Variants in KLC1 observed in about 807,000 individuals in gnomAD.
The protein encoded by KLC1 is kinesin light chain 1.
A neutral mutation model predicts 84.2 loss-of-function variants in KLC1; 30 were observed. The observed-to-expected ratio is 0.36, with a 90% CI of 0.27 to 0.48. The LOEUF (loss-of-function observed/expected upper bound fraction) is 0.48. Among genes scored for constraint, KLC1 ranks in the 20% least tolerant of loss-of-function variants. KLC1 has a pLI of 0.99. For synonymous variants in KLC1, 289 were observed against 293.3 expected (o/e 0.99, Z 0.15); for missense variants, 499 against 805.4 (o/e 0.62, Z 4.60).
chr14:103,694,197 C>G lies in KLC1; in HGVS notation c.1848+1772C>G. ...CTGGGGCCCCATGCCCCCTTTTGAG[C>G]TGTGTTCTCCCGGACGCCCCTGCAC... On this transcript the variant is annotated intron_variant, in intron 15 of 16. Coordinates refer to ENST00000334553, the MANE Select transcript of KLC1 (RefSeq NM_001394837.1). This position sits in a 1 kb window ranked among gnomAD's most constrained non-coding sequence, Gnocchi z 4.5. 1.0e-6 allele frequency: 1 copy of G among 985,404 alleles called. No individual in the cohort carries two copies. 61.0% of individuals were successfully genotyped at this position (985,404 alleles called of 1,614,324 possible).
intron 5 of KLC1, among the ~76,000 whole-genome samples, chr14:103,665,583 TGCCACCAA>T (rs1441244968): frequency 6.6e-6 from 1 of 151,934 alleles, no homozygotes; most frequent in Non-Finnish European, 1.5e-5. Context: ...TACAGACACC[TGCCACCAA>T]GCCCCGCTAA....
chr14:103,679,705 G>T (rs1472722767), intron 13 of KLC1, 160 bp downstream of exon 13: 3 of 578,588 alleles, frequency 5.2e-6, no homozygotes, highest in East Asian at 2.9e-5. Context: ...ACTGAAGTCT[G>T]TTATTTGTTT....
chr14:103,693,775 C>G lies in KLC1; in HGVS notation c.1848+1350C>G, dbSNP rs1423333919. The G allele has an allele frequency of 1.4e-6, 2 of 1,422,042 alleles. No homozygotes were observed. Among genetic ancestry groups the G allele is most frequent in the Non-Finnish European group, 1.8e-6 (2 of 1,091,992 alleles). 88.1% of individuals were successfully genotyped at this position (1,422,042 alleles called of 1,614,324 possible). A position where few individuals can be genotyped will look rare whatever the true frequency, so the allele number is the denominator to read the frequency against. The stretch of plus-strand genomic sequence containing the variant: ...CTTGGAGGTGCCTTTTCAAAACACC[C>G]GGGAGGCCGTGCCTCAGCATTCTGT... On this transcript the variant is annotated intron_variant, in intron 15 of 16. Transcript: ENST00000334553. This position sits in a 1 kb window ranked among gnomAD's most constrained non-coding sequence, Gnocchi z 5.1.
chr14:103,660,516 C>T (rs557460121), intron 3 of KLC1, among the ~76,000 whole-genome samples: 12 of 150,056 alleles, frequency 8.0e-5, no homozygotes, highest in African/African-American at 2.9e-4. Context: ...AAGGCCGATG[C>T]GGTGGCTCAT....
At chr14:103,670,977 A>G (rs796125665) in intron 7 of KLC1, among the ~76,000 whole-genome samples, 2 of 152,090 alleles carry the variant, frequency 1.3e-5, no homozygotes, top group African/African-American at 4.8e-5. Flanking sequence ...AGAAAGGTGC[A>G]GTCCTGAGTC....
rs71126053 is a variant in KLC1 at position 103,691,458 on chromosome 14, CTTTTTTTTTTT to C, written c.1782-883_1782-873del. The stretch of plus-strand genomic sequence containing the variant: ...TACAAGCATGAGCCACCACGCCTGG[CTTTTTTTTTTT>C]TTTTTTTTTTTTTTTTTGGTAGGTG... On this transcript the variant is annotated intron_variant, in intron 14 of 16. Transcript: ENST00000334553. 1.9e-3 allele frequency among the ~76,000 whole-genome samples: 132 copies of C among 68,830 alleles called. 3 individuals carry two copies. Among genetic ancestry groups the C allele is most frequent in the African/African-American group, 6.5e-3 (101 of 15,444 alleles). The allele number at this position is 68,830 out of a possible 152,430, so 45.2% of individuals were successfully genotyped here. A position where few individuals can be genotyped will look rare whatever the true frequency, so the allele number is the denominator to read the frequency against.
intron 1 of KLC1, among the ~76,000 whole-genome samples, chr14:103,643,467 A>AG (rs2151375501): frequency 6.6e-6 from 1 of 152,322 alleles, no homozygotes; most frequent in East Asian, 1.9e-4. Flanking sequence ...AAAGATTCAA[A>AG]CCCTGTAAAA....
intron 15 of KLC1, chr14:103,698,185 T>C (rs3212121): frequency 0.018 from 2,849 of 158,730 alleles, 80 homozygotes; most frequent in African/African-American, 0.06. Flanking sequence ...CACTGGAGGT[T>C]GGTGGGATAT....
In KLC1 at chr14:103,695,141, A is replaced by G. The variant is rs2082348683; in HGVS notation, c.1848+2716A>G. The G allele has an allele frequency of 6.2e-6, 6 of 971,998 alleles. No homozygotes were observed. The South Asian group carries it at 2.9e-4, about 47-fold the overall frequency. The allele number at this position is 971,998 out of a possible 1,614,324, so 60.2% of individuals were successfully genotyped here. ...GGTTCTGTAATAGTGGATGGGATTA[A>G]AAGAAAAAATGTTAAATTATATATA... On this transcript the variant is annotated intron_variant, in intron 15 of 16. Coordinates refer to ENST00000334553, the MANE Select transcript of KLC1 (RefSeq NM_001394837.1).
At chr14:103,660,806 A>C (rs991497934) in intron 3 of KLC1, among the ~76,000 whole-genome samples, 1 of 139,716 alleles carries the variant, frequency 7.2e-6, no homozygotes. Flanking sequence ...AACAAGCAAT[A>C]AATAAATAAA....
At chr14:103,649,523 G>A in intron 1 of KLC1, among the ~76,000 whole-genome samples, 1 of 124,644 alleles carries the variant, frequency 8.0e-6, no homozygotes. Context: ...GAGCCCAAGA[G>A]TTTTAGACCA....
intron 13 of KLC1, chr14:103,682,589 G>A (rs10150994): frequency 6.7e-6 from 1 of 149,620 alleles, no homozygotes; most frequent in Non-Finnish European, 1.5e-5. Context: ...GGAGGCCAAG[G>A]CAGGGAATCC....
intron 13 of KLC1, chr14:103,682,942 T>C (rs1287877723): frequency 6.6e-6 from 1 of 152,032 alleles, no homozygotes; most frequent in East Asian, 1.9e-4. Context: ...ACTACTACCA[T>C]AGGGAAAAAC....
In KLC1 at chr14:103,669,491, A is replaced by G; in HGVS notation, c.798-20A>G. On this transcript the variant is annotated intron_variant, in intron 5 of 16. Transcript: ENST00000334553. ...TAGTGATCTACATCTGAAACACTTA[A>G]TGTGTGTTTTTCCATTTAGGGATCA... 7.4e-7 allele frequency: 1 copy of G among 1,357,544 alleles called. No individual in the cohort carries two copies. Among genetic ancestry groups the G allele is most frequent in the Non-Finnish European group, 1.1e-6 (1 of 948,286 alleles). 84.1% of individuals were successfully genotyped at this position (1,357,544 alleles called of 1,614,324 possible). A position where few individuals can be genotyped will look rare whatever the true frequency, so the allele number is the denominator to read the frequency against.
chr14:103,673,361 C>T lies in KLC1; in HGVS notation c.1191C>T (p.Phe397=), dbSNP rs1298248559. 1 of 1,604,960 alleles carries T rather than the reference C, an allele frequency of 6.2e-7. No individual in the cohort carries two copies. Among genetic ancestry groups the T allele is most frequent in the Non-Finnish European group, 8.5e-7 (1 of 1,177,420 alleles). ...LASCYLKQGK[F]KQAETLYKEI... ...CCTGCTATTTGAAACAAGGAAAGTT[C>T]AAGCAAGCAGAAACACTGTACAAAG... Residue 397 remains phenylalanine (F), a synonymous_variant, in exon 9 of 17, where the codon TTC becomes TTT. Coordinates refer to ENST00000334553, the MANE Select transcript of KLC1 (RefSeq NM_001394837.1).
chr14:103,655,420 A>G (rs1361380272), intron 2 of KLC1, among the ~76,000 whole-genome samples: 1 of 151,532 alleles, frequency 6.6e-6, no homozygotes, highest in Non-Finnish European at 1.5e-5. Flanking sequence ...CTCCTGCCTC[A>G]GCCTCCCAAG....
intron 5 of KLC1, among the ~76,000 whole-genome samples, chr14:103,668,058 T>A (rs2080035113): frequency 6.6e-6 from 1 of 152,250 alleles, no homozygotes; most frequent in Non-Finnish European, 1.5e-5. Context: ...TGTTGTTTTT[T>A]AAAATATTTT....
rs58151718 is a variant in KLC1, at chr14:103,658,656, C to CTT, written c.492+898_492+899dup. Among the ~76,000 whole-genome samples, 264 of 107,940 alleles carry CTT rather than the reference C, an allele frequency of 2.4e-3. 10 individuals are homozygous for CTT. Among genetic ancestry groups the CTT allele is most frequent in the East Asian group, 0.014 (50 of 3,526 alleles). The allele number at this position is 107,940 out of a possible 152,430, so 70.8% of individuals were successfully genotyped here. Reference sequence around the variant, plus strand: ...CAACATTTATTTCTGATTCAGTTAACTTTTTTTTTTTTTTTTTTTGAGATG... The same window carrying CTT: ...CAACATTTATTTCTGATTCAGTTAACTTTTTTTTTTTTTTTTTTTTTGAGATG... On this transcript the variant is annotated intron_variant, in intron 3 of 16. Transcript: ENST00000334553.
intron 1 of KLC1, among the ~76,000 whole-genome samples, chr14:103,647,398 A>ATT (rs565980148): frequency 1.4e-5 from 2 of 142,904 alleles, no homozygotes; most frequent in East Asian, 2.1e-4. Context: ...TAATTTTTGT[A>ATT]TTTTTTTTTT....
Sources: allele counts gnomAD v4.1 joint callset (sites outside exome capture counted in the v4.1 genomes callset), GRCh38; gene constraint gnomAD v4.1.1; non-coding constraint Gnocchi (gnomAD v3.1); transcripts MANE v1.5; gene names NCBI Gene and HGNC (gene_info 2026-07-23, HGNC 2026-07-21).